The following SUPT3H variants were observed in gnomAD, a reference collection of about 807,000 sequenced individuals.
SUPT3H encodes transcription initiation protein SPT3 homolog.
In SUPT3H, 44 loss-of-function variants were observed where a neutral mutation model predicts 44.3. The ratio of observed to expected loss-of-function variants is 0.99; its 90% confidence interval spans 0.78 to 1.28. The LOEUF (loss-of-function observed/expected upper bound fraction) is 1.28, where lower values mean the gene tolerates loss of function less well. Among genes scored for constraint, SUPT3H ranks in the 50% most tolerant of loss-of-function variants. The pLI is 0.00. For missense variants in SUPT3H, 380 were observed against 387.1 expected (o/e 0.98, Z 0.15); for synonymous variants, 124 against 125.6 (o/e 0.99, Z 0.09).
In SUPT3H at chr6:45,216,453, A is replaced by G. The variant is rs985965372; in HGVS notation, c.102-110447T>C. 6.6e-5 allele frequency among the ~76,000 whole-genome samples: 10 copies of G among 152,244 alleles called. No homozygotes were observed. In the South Asian group the frequency reaches 1.7e-3, roughly 25 times the overall value. ...AAGAGTAAGCCCTTACTTGTAAATAATAACTTTAAATAGAAAGTTTTAATT... is the reference window on the plus strand; with the variant it reads ...AAGAGTAAGCCCTTACTTGTAAATAGTAACTTTAAATAGAAAGTTTTAATT... On this transcript the variant is annotated intron_variant, in intron 2 of 10. Coordinates refer to ENST00000371459, the MANE Select transcript of SUPT3H (RefSeq NM_003599.4).
chr6:45,285,068 A>G (rs899113530), intron 2 of SUPT3H, among the ~76,000 whole-genome samples: 18 of 151,854 alleles, frequency 1.2e-4, no homozygotes, highest in Non-Finnish European at 2.1e-4. Context: ...ACTCTCAATA[A>G]ATTAGGTATT....
chr6:45,094,176 G>C (rs961903721), intron 3 of SUPT3H, among the ~76,000 whole-genome samples: 1 of 151,962 alleles, frequency 6.6e-6, no homozygotes, highest in African/African-American at 2.4e-5. Flanking sequence ...ATTTTAGCCC[G>C]AACTAAAACG....
intron 2 of SUPT3H, among the ~76,000 whole-genome samples, chr6:45,191,783 A>T (rs868338044): frequency 5.3e-5 from 8 of 152,228 alleles, no homozygotes; most frequent in Middle Eastern, 3.4e-3. Flanking sequence ...CCAATTCCAC[A>T]TTAAGACCAA....
intron 7 of SUPT3H, among the ~76,000 whole-genome samples, chr6:44,960,712 AT>A (rs1187002179): frequency 1.3e-5 from 2 of 152,128 alleles, no homozygotes; most frequent in Non-Finnish European, 2.9e-5. Flanking sequence ...AAAACCTTTC[AT>A]TTGCTGAAAT....
Position 45,212,990 on chromosome 6 carries a change from A to T in SUPT3H, c.102-106984T>A, listed in dbSNP as rs143130331. 1.8e-3 allele frequency among the ~76,000 whole-genome samples: 269 copies of T among 152,342 alleles called. 3 individuals are homozygous for T. The highest frequency in any genetic ancestry group is 6.3e-3 in the African/African-American group (263 of 41,578). On this transcript the variant is annotated intron_variant, in intron 2 of 10. Coordinates refer to ENST00000371459, the MANE Select transcript of SUPT3H (RefSeq NM_003599.4). ...ATGCCACAATCAGCACAAGAAAGGA[A>T]GCCGATTTTGAATGTAAACGCAAAA... is the stretch of plus-strand genomic sequence containing the variant.
At chr6:45,106,124 T>G (rs1799236350) in intron 2 of SUPT3H, 118 bp from the exon 3 acceptor site, 3 of 836,276 alleles carry the variant, frequency 3.6e-6, no homozygotes, top group Non-Finnish European at 3.8e-6. Flanking sequence ...TTTGCCCAAA[T>G]GTCTGAATGG....
At chr6:45,144,504 T>C (rs1413412509) in intron 2 of SUPT3H, among the ~76,000 whole-genome samples, 2 of 152,002 alleles carry the variant, frequency 1.3e-5, no homozygotes, top group Non-Finnish European at 2.9e-5. Flanking sequence ...GTGACACACT[T>C]CAAGGAAATA....
intron 10 of SUPT3H, among the ~76,000 whole-genome samples, chr6:44,879,638 A>C (rs1777889025): frequency 6.7e-6 from 1 of 148,800 alleles, no homozygotes. Flanking sequence ...CTTGGAGACA[A>C]CTCCCAGTAG....
chr6:45,056,617 G>A (rs1249373884), intron 3 of SUPT3H, among the ~76,000 whole-genome samples: 1 of 152,154 alleles, frequency 6.6e-6, no homozygotes, highest in African/African-American at 2.4e-5. Flanking sequence ...ACCAAACATT[G>A]TATGTTTTCA....
chr6:45,292,220 T>C (rs1314645504), intron 2 of SUPT3H, among the ~76,000 whole-genome samples: 1 of 152,118 alleles, frequency 6.6e-6, no homozygotes, highest in Non-Finnish European at 1.5e-5. Flanking sequence ...ATACAGTCTT[T>C]TTCAGACAAA....
chr6:44,812,217 CTA>C (rs1183460725), intron 11 of SUPT3H, among the ~76,000 whole-genome samples: 2 of 152,166 alleles, frequency 1.3e-5, no homozygotes, highest in South Asian at 2.1e-4. Context: ...TGTTGTCAGA[CTA>C]TGTTTTTTTC....
intron 3 of SUPT3H, among the ~76,000 whole-genome samples, chr6:45,026,985 C>CT (rs34588777): frequency 0.14 from 11,896 of 87,610 alleles, 1,067 homozygotes; most frequent in East Asian, 0.29. Flanking sequence ...GCTTTGGATC[C>CT]TTTTTTTTTT....
At chr6:45,218,897 T>A (rs979605460) in intron 2 of SUPT3H, among the ~76,000 whole-genome samples, 9 of 152,130 alleles carry the variant, frequency 5.9e-5, no homozygotes, top group Non-Finnish European at 1.2e-4. Context: ...TCTCAACATA[T>A]TTCAAAGAGT....
At chr6:45,129,786 C>T (rs1020090417) in intron 2 of SUPT3H, among the ~76,000 whole-genome samples, 1 of 151,774 alleles carries the variant, frequency 6.6e-6, no homozygotes, top group African/African-American at 2.4e-5. Context: ...ATCAATCAAT[C>T]AATTGGATAT....
intron 6 of SUPT3H, among the ~76,000 whole-genome samples, chr6:44,968,211 T>C (rs1462478835): frequency 6.6e-6 from 1 of 152,138 alleles, no homozygotes; most frequent in Admixed American, 6.5e-5. Context: ...CTACCAACAA[T>C]CTCATGTTCA....
chr6:45,215,531 G>C (rs916492305), intron 2 of SUPT3H, among the ~76,000 whole-genome samples: 4 of 152,008 alleles, frequency 2.6e-5, no homozygotes, highest in African/African-American at 9.7e-5. Context: ...AGAATTCAAT[G>C]AATGAAATTT....
At chr6:44,905,968 T>A (rs1765983189) in intron 10 of SUPT3H, among the ~76,000 whole-genome samples, 1 of 151,726 alleles carries the variant, frequency 6.6e-6, no homozygotes, top group South Asian at 2.1e-4. Flanking sequence ...AGGTGGGAAC[T>A]GAACAATGAG....
chr6:45,133,215 C>A (rs1803752268), intron 2 of SUPT3H, among the ~76,000 whole-genome samples: 1 of 152,146 alleles, frequency 6.6e-6, no homozygotes, highest in Admixed American at 6.5e-5. Flanking sequence ...ACACAAAGTT[C>A]TTTTCTTCTT....
intron 10 of SUPT3H, among the ~76,000 whole-genome samples, chr6:44,849,573 G>C (rs1772527804): frequency 6.6e-6 from 1 of 152,164 alleles, no homozygotes; most frequent in South Asian, 2.1e-4. Context: ...TAATCATGAG[G>C]ATCTGGAGAA....
Sources: allele counts gnomAD v4.1 joint callset (sites outside exome capture counted in the v4.1 genomes callset), GRCh38; gene constraint gnomAD v4.1.1; transcripts MANE v1.5; gene names NCBI Gene and HGNC (gene_info 2026-07-23, HGNC 2026-07-21).